Variants in TMEM131 observed in about 807,000 individuals in gnomAD.
The protein encoded by TMEM131 is 2610524E03Rik.
TMEM131 carries 66 observed loss-of-function variants against 211.6 expected under a neutral mutation model. The ratio of observed to expected loss-of-function variants is 0.31; its 90% CI spans 0.26 to 0.38. The LOEUF is 0.38. TMEM131 is among the 10% of genes least tolerant of loss of function. TMEM131 has a pLI of 1.00. For synonymous variants in TMEM131, 844 were observed against 841.3 expected, an observed-to-expected ratio of 1.00 and a Z score of -0.06; for missense variants, 2,036 against 2,299.3, an observed-to-expected ratio of 0.89 and a Z score of 2.34.
intron 22 of TMEM131, among the ~76,000 whole-genome samples, chr2:97,804,655 T>C (rs1573386628): frequency 6.7e-6 from 1 of 150,090 alleles, no homozygotes; most frequent in African/African-American, 2.5e-5. Context: ...GAAGGAGGTA[T>C]TCTTTTCACA....
At chr2:97,950,938 C>T (rs186026935) in intron 1 of TMEM131, among the ~76,000 whole-genome samples, 2 of 152,264 alleles carry the variant, frequency 1.3e-5, no homozygotes, top group Admixed American at 6.5e-5. Flanking sequence ...AAAGAAAGTA[C>T]AATAAGCTGG....
chr2:97,929,450 TG>T (rs1677126885), intron 1 of TMEM131, among the ~76,000 whole-genome samples: 1 of 151,858 alleles, frequency 6.6e-6, no homozygotes, highest in African/African-American at 2.4e-5. Context: ...TCCCATTTGT[TG>T]GTCTTTTGGA....
At chr2:97,923,627 T>TAAA (rs1559450353) in intron 2 of TMEM131, among the ~76,000 whole-genome samples, 159 of 99,662 alleles carry the variant, frequency 1.6e-3, no homozygotes, top group African/African-American at 6.7e-3. Flanking sequence ...GTCTTTTTTT[T>TAAA]TAAAAAAAAA....
intron 11 of TMEM131, among the ~76,000 whole-genome samples, chr2:97,825,117 C>T (rs573160861): frequency 4.7e-4 from 72 of 152,300 alleles, no homozygotes; most frequent in African/African-American, 1.5e-3. Flanking sequence ...CTTATGTGGA[C>T]GGTCTTATGC....
chr2:97,791,282 G>GGTTCT (rs1680487714), intron 31 of TMEM131, among the ~76,000 whole-genome samples: 1 of 152,186 alleles, frequency 6.6e-6, no homozygotes, highest in South Asian at 2.1e-4. Flanking sequence ...GCCCTTGCGC[G>GGTTCT]GTTCTCTCTC....
chr2:97,775,850 A>C lies in TMEM131; in HGVS notation c.4313T>G (p.Leu1438Arg). The C allele has an allele frequency of 1.9e-6, 3 of 1,612,592 alleles. No individual in the cohort carries two copies. The highest frequency in any genetic ancestry group is 1.3e-5 in the African/African-American group (1 of 74,806). ...TGTGAGATCAGCCCGTACCTCCTTG[A>C]GGAGCGGTTCTGTGTCAGGGTTGGA... ...ETSNPDTEPL[L>R]KEDTEKQKGK... The change falls in exon 32 of 41, where the codon CTC (leucine) becomes CGC (arginine). Residue 1438 changes from leucine to arginine, a missense_variant. Transcript: ENST00000186436.
chr2:97,789,345 A>G (rs1680393983), intron 31 of TMEM131, among the ~76,000 whole-genome samples: 1 of 152,174 alleles, frequency 6.6e-6, no homozygotes, highest in African/African-American at 2.4e-5. Flanking sequence ...CAAGTTCCTA[A>G]CAGATGCTTC....
intron 11 of TMEM131, 140 bp downstream of exon 11, chr2:97,833,225 A>G: frequency 1.9e-6 from 1 of 518,482 alleles, no homozygotes; most frequent in Non-Finnish European, 3.4e-6. Context: ...GGTTTCTCAC[A>G]TCACACTTAG....
intron 25 of TMEM131, among the ~76,000 whole-genome samples, chr2:97,800,471 C>A (rs1338112603): frequency 6.6e-6 from 1 of 151,916 alleles, no homozygotes; most frequent in Non-Finnish European, 1.5e-5. Context: ...CAGAGTGGGC[C>A]GGGCACTGTG....
intron 30 of TMEM131, 161 bp from the exon 31 acceptor site, chr2:97,793,145 C>T: frequency 1.5e-6 from 1 of 652,328 alleles, no homozygotes; most frequent in Non-Finnish European, 2.5e-6. Context: ...AACATCTGTT[C>T]TATCTGAACA....
intron 31 of TMEM131, among the ~76,000 whole-genome samples, chr2:97,780,398 C>T (rs560447927): frequency 1.6e-4 from 24 of 152,336 alleles, no homozygotes; most frequent in African/African-American, 5.5e-4. Context: ...CCTGGCCACC[C>T]GTAATGGCCT....
chr2:97,947,022 G>A (rs13003978), intron 1 of TMEM131, among the ~76,000 whole-genome samples: 114,081 of 151,930 alleles, frequency 0.75, 44,529 homozygotes, highest in African/African-American at 0.87. Flanking sequence ...TCCATTCATG[G>A]TAAAAGATCT....
chr2:97,968,988 T>C (rs1377893130), intron 1 of TMEM131, among the ~76,000 whole-genome samples: 2 of 150,276 alleles, frequency 1.3e-5, no homozygotes, highest in African/African-American at 2.5e-5. Context: ...GAGGCTAAGA[T>C]GGGAGGATCA....
intron 10 of TMEM131, among the ~76,000 whole-genome samples, chr2:97,833,801 G>A (rs533598179): frequency 2.0e-5 from 3 of 152,138 alleles, no homozygotes; most frequent in Admixed American, 2.0e-4. Flanking sequence ...GGGATTACAG[G>A]CATGTACCAC....
intron 4 of TMEM131, among the ~76,000 whole-genome samples, chr2:97,863,450 T>C (rs975796294): frequency 1.3e-5 from 2 of 152,058 alleles, no homozygotes; most frequent in African/African-American, 4.8e-5. Context: ...ATCAACAAAG[T>C]TAAGAGACAG....
At chr2:97,788,068 G>A (rs970278673) in intron 31 of TMEM131, among the ~76,000 whole-genome samples, 3 of 152,032 alleles carry the variant, frequency 2.0e-5, no homozygotes, top group East Asian at 1.9e-4. Context: ...GCACCCCACC[G>A]CTCTCCTGCC....
chr2:97,781,101 C>T (rs1009989172), intron 31 of TMEM131, among the ~76,000 whole-genome samples: 1 of 152,170 alleles, frequency 6.6e-6, no homozygotes. Context: ...AGCTCTTCTG[C>T]GACATTCTCC....
rs181232663 is a variant in TMEM131, at chr2:97,919,447, A to T, written c.249+7979T>A. Among the ~76,000 whole-genome samples, 54 of 152,230 alleles carry T rather than the reference A, an allele frequency of 3.5e-4. 2 individuals carry two copies. In the East Asian group the frequency reaches 0.01, roughly 29 times the overall value. ...CTAGTTTGGCAAATTTTTTCAGTAA[A>T]TTTTATTATATATTATTTTTGCCTC... On this transcript the variant is annotated intron_variant, in intron 2 of 40. Transcript: ENST00000186436.
chr2:97,924,936 G>C (rs531180678), intron 2 of TMEM131, among the ~76,000 whole-genome samples: 10 of 152,302 alleles, frequency 6.6e-5, no homozygotes, highest in South Asian at 2.1e-4. Context: ...CTGGAGTACA[G>C]TGGCACAATC....
Sources: gnomAD v4.1 joint callset for allele counts (sites outside exome capture counted in the v4.1 genomes callset) on GRCh38, gnomAD v4.1.1 for gene constraint, MANE v1.5 for transcripts, NCBI Gene and HGNC (gene_info 2026-07-23, HGNC 2026-07-21) for gene names.